Variants in SEMA3C observed in about 807,000 individuals in gnomAD.
SEMA3C encodes the protein semaphorin-3C.
Under a neutral mutation model 89.4 loss-of-function variants are expected in SEMA3C, and 47 were observed. That is an observed-to-expected ratio of 0.53 (90% CI 0.42 to 0.67). SEMA3C has a LOEUF of 0.67. Among genes scored for constraint, SEMA3C ranks in the 30% least tolerant of loss-of-function variants. The probability of loss-of-function intolerance (pLI) is 0.00; values close to 1 mark genes in which losing one functional copy is unlikely to be tolerated. For synonymous variants in SEMA3C, 310 were observed against 320.2 expected (o/e 0.97, Z 0.34); for missense variants, 839 against 929.1 (o/e 0.90, Z 1.26).
At chr7:80,824,776 T>C (rs1329998948) in intron 4 of SEMA3C, among the ~76,000 whole-genome samples, 1 of 152,158 alleles carries the variant, frequency 6.6e-6, no homozygotes. Context: ...ACTTTCTTAG[T>C]AATGCAGTTA....
At chr7:80,816,369 G>C (rs1467656434) in intron 5 of SEMA3C, 3 of 152,076 alleles carry the variant, frequency 2.0e-5, no homozygotes, top group Non-Finnish European at 4.4e-5. Context: ...GATGAAAAAT[G>C]TCATCTCTTA....
intron 2 of SEMA3C, among the ~76,000 whole-genome samples, chr7:80,886,110 A>G (rs1240894382): frequency 6.6e-6 from 1 of 152,220 alleles, no homozygotes; most frequent in Non-Finnish European, 1.5e-5. Context: ...GACATTGTTA[A>G]TTACTAGTGA....
intron 2 of SEMA3C, among the ~76,000 whole-genome samples, chr7:80,859,260 T>C (rs1790716415): frequency 6.6e-6 from 1 of 152,186 alleles, no homozygotes. Flanking sequence ...TATGCATACA[T>C]ACATATTTAT....
At chr7:80,883,411 C>CT (rs1331260933) in intron 2 of SEMA3C, among the ~76,000 whole-genome samples, 1 of 152,170 alleles carries the variant, frequency 6.6e-6, no homozygotes, top group African/African-American at 2.4e-5. Context: ...TTGAACTGTG[C>CT]TTGATCTGGG....
intron 12 of SEMA3C, among the ~76,000 whole-genome samples, chr7:80,788,715 A>G (rs1032861952): frequency 2.0e-5 from 3 of 152,178 alleles, no homozygotes; most frequent in Middle Eastern, 3.2e-3. Context: ...AAACCTGTCT[A>G]TATTTGAGTC....
intron 2 of SEMA3C, among the ~76,000 whole-genome samples, chr7:80,903,241 C>G (rs1484364339): frequency 2.0e-5 from 3 of 152,186 alleles, no homozygotes; most frequent in African/African-American, 7.2e-5. Context: ...CTATAGCCTA[C>G]TGCTCCTCAG....
chr7:80,783,601 C>A (rs910291322), intron 12 of SEMA3C, among the ~76,000 whole-genome samples: 7 of 152,194 alleles, frequency 4.6e-5, no homozygotes, highest in African/African-American at 1.7e-4. Context: ...AACTCACATG[C>A]ACTGCTCCAG....
chr7:80,817,671 C>T (rs534827191), intron 5 of SEMA3C, among the ~76,000 whole-genome samples: 8 of 149,676 alleles, frequency 5.3e-5, no homozygotes, highest in South Asian at 2.1e-4. Context: ...ACCATAATGC[C>T]GCATATCACC....
chr7:80,846,821 T>G (rs896177319), intron 2 of SEMA3C, among the ~76,000 whole-genome samples: 2 of 152,174 alleles, frequency 1.3e-5, no homozygotes, highest in Non-Finnish European at 2.9e-5. Flanking sequence ...TACACTGTAT[T>G]TCATATCTTA....
At chr7:80,888,755 T>TA (rs1791542899) in intron 2 of SEMA3C, among the ~76,000 whole-genome samples, 1 of 152,186 alleles carries the variant, frequency 6.6e-6, no homozygotes, top group South Asian at 2.1e-4. Context: ...TAAAATATTA[T>TA]AACCACAATA....
At chr7:80,916,322 G>A (rs1241917938) in intron 2 of SEMA3C, among the ~76,000 whole-genome samples, 2 of 152,162 alleles carry the variant, frequency 1.3e-5, no homozygotes, top group African/African-American at 2.4e-5. Flanking sequence ...CTCTGCTGCT[G>A]AGGATTAGCA....
chr7:80,822,744 A>G (rs66667489), intron 4 of SEMA3C, among the ~76,000 whole-genome samples: 58,215 of 152,030 alleles, frequency 0.38, 11,493 homozygotes, highest in East Asian at 0.53. Context: ...AATACTTGTC[A>G]TGGACAATAT....
At chr7:80,865,645 A>G (rs948000532) in intron 2 of SEMA3C, among the ~76,000 whole-genome samples, 2 of 151,994 alleles carry the variant, frequency 1.3e-5, no homozygotes, top group Non-Finnish European at 2.9e-5. Flanking sequence ...AGAAAAAAAA[A>G]TTAGCCGGGT....
At chr7:80,844,520 G>C (rs911109439) in intron 2 of SEMA3C, among the ~76,000 whole-genome samples, 1 of 151,740 alleles carries the variant, frequency 6.6e-6, no homozygotes. Flanking sequence ...GTAAAATGGG[G>C]GTAATGATAT....
intron 2 of SEMA3C, among the ~76,000 whole-genome samples, chr7:80,831,722 T>C (rs753012653): frequency 3.6e-4 from 55 of 152,140 alleles, no homozygotes; most frequent in Non-Finnish European, 4.9e-4. Flanking sequence ...GAACACCTGA[T>C]ATGCTAAAAT....
rs1196488517 is a variant in SEMA3C, at chr7:80,742,657, G to A, written c.*2237C>T. 3 of 151,856 alleles carry A rather than the reference G, an allele frequency of 2.0e-5. No homozygotes were observed. Among genetic ancestry groups the A allele is most frequent in the Non-Finnish European group, 4.4e-5 (3 of 67,822 alleles). 9.4% of individuals were successfully genotyped at this position (151,856 alleles called of 1,614,324 possible). On this transcript the variant is annotated 3_prime_UTR_variant, in exon 18 of 18. Coordinates refer to ENST00000265361, the MANE Select transcript of SEMA3C (RefSeq NM_006379.5). ...ACACAGATTGAACATTCACCATTAT[G>A]ACAGTTTCATCATGCTAAAATCTAT...
intron 11 of SEMA3C, among the ~76,000 whole-genome samples, chr7:80,794,626 A>G (rs1789019156): frequency 6.6e-6 from 1 of 152,162 alleles, no homozygotes; most frequent in South Asian, 2.1e-4. Flanking sequence ...TGATGATGGA[A>G]GCACATGACT....
At position 80,744,189 on chromosome 7, in the gene SEMA3C, A is replaced by T. The variant is rs1302105946; in HGVS notation, c.*705T>A. 1 of 152,174 alleles carries T rather than the reference A, an allele frequency of 6.6e-6. No homozygotes were observed. Among genetic ancestry groups the T allele is most frequent in the Admixed American group, 6.6e-5 (1 of 15,254 alleles). 9.4% of individuals were successfully genotyped at this position (152,174 alleles called of 1,614,324 possible). A position where few individuals can be genotyped will look rare whatever the true frequency, so the allele number is the denominator to read the frequency against. On this transcript the variant is annotated 3_prime_UTR_variant, in exon 18 of 18. Coordinates refer to ENST00000265361, the MANE Select transcript of SEMA3C (RefSeq NM_006379.5). ...TTGTTTGGAAGGTGATAACATAAGA[A>T]TATAAACCAAACTGCTTCACTGATA...
chr7:80,821,568 T>A (rs1423849274), intron 4 of SEMA3C, among the ~76,000 whole-genome samples: 2 of 152,160 alleles, frequency 1.3e-5, no homozygotes, highest in South Asian at 2.1e-4. Context: ...TACAGGCATG[T>A]GCCACCACGC....
Sources: allele counts gnomAD v4.1 joint callset (sites outside exome capture counted in the v4.1 genomes callset), GRCh38; gene constraint gnomAD v4.1.1; transcripts MANE v1.5; gene names NCBI Gene and HGNC (gene_info 2026-07-23, HGNC 2026-07-21).